TNRC18: variants seen among roughly 807,000 people sequenced by gnomAD.
TNRC18 encodes the protein trinucleotide repeat containing 18.
TNRC18 carries 69 observed loss-of-function variants against 226.7 expected under a neutral mutation model. The ratio of observed to expected loss-of-function variants is 0.30; its 90% confidence interval spans 0.25 to 0.37. TNRC18 has a LOEUF of 0.37. TNRC18 is among the 10% of genes least tolerant of loss of function. The probability of loss-of-function intolerance (pLI) is 1.00; values close to 1 mark genes in which losing one functional copy is unlikely to be tolerated. For synonymous variants in TNRC18, 2,449 were observed against 1,927.6 expected (o/e 1.27, Z -7.09); for missense variants, 4,754 against 4,256.6 (o/e 1.12, Z -3.25).
At chr7:5,329,081 T>C in intron 19 of TNRC18, among the ~76,000 whole-genome samples, 1 of 151,810 alleles carries the variant, frequency 6.6e-6, no homozygotes, top group East Asian at 2.0e-4. Flanking sequence ...GGTGGGCCGA[T>C]CACCTGAGGT....
chr7:5,307,458 G>C lies in TNRC18; in HGVS notation c.*648C>G. Reference sequence around the variant, plus strand: ...ACCATTGGGGTTTTCTGTAGTGTGAGGGTTTGGACCAGGGTGGGCCTGTGC... The same window carrying C: ...ACCATTGGGGTTTTCTGTAGTGTGACGGTTTGGACCAGGGTGGGCCTGTGC... On this transcript the variant is annotated 3_prime_UTR_variant, in exon 30 of 30. Transcript: ENST00000430969. 2.5e-6 allele frequency: 1 copy of C among 403,682 alleles called. No homozygotes were observed. Among genetic ancestry groups the C allele is most frequent in the Non-Finnish European group, 5.1e-6 (1 of 197,872 alleles). 25.0% of individuals were successfully genotyped at this position (403,682 alleles called of 1,614,324 possible).
At chr7:5,380,565 C>T (rs970455518) in intron 5 of TNRC18, among the ~76,000 whole-genome samples, 3 of 152,218 alleles carry the variant, frequency 2.0e-5, no homozygotes, top group Admixed American at 6.5e-5. Flanking sequence ...CCGGGCAGCC[C>T]GGCACGGGGA....
In TNRC18 at chr7:5,313,121, G is replaced by A. The variant is rs748116945; in HGVS notation, c.7770C>T (p.Asn2590=). 136 of 1,485,926 alleles carry A rather than the reference G, an allele frequency of 9.2e-5. 1 individual carries two copies. The Middle Eastern group carries it at 1.9e-3, about 21-fold the overall frequency. 92.0% of individuals were successfully genotyped at this position (1,485,926 alleles called of 1,614,324 possible). ...ETEGEEEGDK[N]GDGGCGTGGR... ...CCCCGGTGCCGCAGCCCCCGTCCCC[G>A]TTCTTGTCGCCTTCCTCCTCCCCTT... The change falls in exon 27 of 30, where the codon AAC becomes AAT. Residue 2590 remains asparagine, a synonymous_variant. Transcript: ENST00000430969.
At chr7:5,349,239 G>A (rs1351600729) in intron 17 of TNRC18, among the ~76,000 whole-genome samples, 1 of 152,174 alleles carries the variant, frequency 6.6e-6, no homozygotes, top group Non-Finnish European at 1.5e-5. Flanking sequence ...CTCCTGCGGG[G>A]TCTGGTGCAC....
rs1302008539 is a variant in TNRC18 at position 5,421,301 on chromosome 7, T to C, written c.-55A>G. 8.1e-7 allele frequency: 1 copy of C among 1,237,568 alleles called. No individual in the cohort carries two copies. Among genetic ancestry groups the C allele is most frequent in the Non-Finnish European group, 1.0e-6 (1 of 987,318 alleles). 76.7% of individuals were successfully genotyped at this position (1,237,568 alleles called of 1,614,324 possible). Reference sequence around the variant, plus strand: ...CACCCGGCCCGCAGGCCTAGCTCAGTGGGACCTAAAAGTTCGGCCTCGGCG... The same window carrying C: ...CACCCGGCCCGCAGGCCTAGCTCAGCGGGACCTAAAAGTTCGGCCTCGGCG... On this transcript the variant is annotated 5_prime_UTR_variant, in exon 2 of 30. Transcript: ENST00000430969.
rs199941680 is a variant in TNRC18, at chr7:5,389,314, C to G, written c.510G>C (p.Ala170=). Residue 170 remains alanine, a synonymous_variant, in exon 5 of 30, where the codon GCG becomes GCC. Transcript: ENST00000430969. ...PGGDGFYLPT[A]GAPGSLHSHA... Reference sequence around the variant, plus strand: ...GAGAGTGCAGGGAGCCCGGAGCCCCCGCGGTGGGCAGGTAGAAACCGTCTG... The same window carrying G: ...GAGAGTGCAGGGAGCCCGGAGCCCCGGCGGTGGGCAGGTAGAAACCGTCTG... 3,302 of 1,281,404 alleles carry G rather than the reference C, an allele frequency of 2.6e-3. 2 individuals are homozygous for G. The highest frequency in any genetic ancestry group is 3.0e-3 in the Non-Finnish European group (3,016 of 1,014,344). The allele number at this position is 1,281,404 out of a possible 1,614,324, so 79.4% of individuals were successfully genotyped here. A position where few individuals can be genotyped will look rare whatever the true frequency, so the allele number is the denominator to read the frequency against.
At position 5,374,314 on chromosome 7, in the gene TNRC18, C is replaced by G. The variant is rs1794431365; in HGVS notation, c.2970G>C (p.Val990=). ...ATGCGCGGGGTGATGGTGGCGGGCTCACGGCCTTGCCGTAGGTGCCCGCGG... is the reference window on the plus strand; with the variant it reads ...ATGCGCGGGGTGATGGTGGCGGGCTGACGGCCTTGCCGTAGGTGCCCGCGG... ...AGPAGTYGKA[V]SPPPSPRASP... The change falls in exon 10 of 30, where the codon GTG becomes GTC. Residue 990 remains valine, a synonymous_variant. Transcript: ENST00000430969. 1 of 1,437,336 alleles carries G rather than the reference C, an allele frequency of 7.0e-7. No homozygotes were observed. Among genetic ancestry groups the G allele is most frequent in the African/African-American group, 1.5e-5 (1 of 66,510 alleles). 89.0% of individuals were successfully genotyped at this position (1,437,336 alleles called of 1,614,324 possible). A position where few individuals can be genotyped will look rare whatever the true frequency, so the allele number is the denominator to read the frequency against.
rs747303380 is a variant in TNRC18, at chr7:5,320,270, T to C, written c.6745+48A>G. On this transcript the variant is annotated intron_variant, in intron 24 of 29. Coordinates refer to ENST00000430969, the MANE Select transcript of TNRC18 (RefSeq NM_001080495.3). ...GGGTTTTAGTAGCCAAACAAGTCCA[T>C]ACTGAGATGTTAGGCGGCAGGGGAG... is the stretch of plus-strand genomic sequence containing the variant. 59 of 1,449,136 alleles carry C rather than the reference T, an allele frequency of 4.1e-5. No individual in the cohort carries two copies. In the African/African-American group the frequency reaches 5.8e-4, roughly 14 times the overall value. The allele number at this position is 1,449,136 out of a possible 1,614,324, so 89.8% of individuals were successfully genotyped here.
chr7:5,319,558 G>A, intron 24 of TNRC18, among the ~76,000 whole-genome samples: 1 of 152,088 alleles, frequency 6.6e-6, no homozygotes, highest in African/African-American at 2.4e-5. Flanking sequence ...ACCCAGGCTA[G>A]AGTGCAGTGG....
intron 16 of TNRC18, among the ~76,000 whole-genome samples, chr7:5,354,976 G>A (rs903247634): frequency 2.6e-5 from 4 of 152,134 alleles, no homozygotes; most frequent in Non-Finnish European, 4.4e-5. Context: ...CCCATGAACC[G>A]GCCAGAGCCA....
intron 19 of TNRC18, among the ~76,000 whole-genome samples, chr7:5,326,747 C>T (rs955102303): frequency 6.6e-6 from 1 of 150,682 alleles, no homozygotes. Context: ...GCGGAGGTTG[C>T]AGTGAGCCGA....
intron 2 of TNRC18, among the ~76,000 whole-genome samples, chr7:5,409,113 A>C (rs1477297095): frequency 3.9e-5 from 6 of 152,292 alleles, no homozygotes; most frequent in African/African-American, 1.4e-4. Context: ...GAAGCTCCTC[A>C]ATGGCCAACA....
rs931518324 is a variant in TNRC18, at chr7:5,361,448, T to C, written c.4661+146A>G. 9 of 1,010,148 alleles carry C rather than the reference T, an allele frequency of 8.9e-6. No individual in the cohort carries two copies. The South Asian group carries it at 9.2e-5, about 10-fold the overall frequency. 62.6% of individuals were successfully genotyped at this position (1,010,148 alleles called of 1,614,324 possible). On this transcript the variant is annotated intron_variant, in intron 14 of 29. Transcript: ENST00000430969. ...CTCCTGGCCCGGGCAGCACAGGCCG[T>C]GCTCCCCGAGGGCCACTGCTGCGGG...
rs1788691255 is a variant in TNRC18 at position 5,324,427 on chromosome 7, T to C, written c.6301-72A>G. The C allele has an allele frequency of 3.2e-6, 5 of 1,567,312 alleles. No homozygotes were observed. The highest frequency in any genetic ancestry group is 1.7e-5 in the Admixed American group (1 of 57,504). ...GTCCTGCCGGGTTGGGGACCCTCTC[T>C]GGAAACCTGGAGCCACAGTCAGGCC... On this transcript the variant is annotated intron_variant, in intron 20 of 29. Coordinates refer to ENST00000430969, the MANE Select transcript of TNRC18 (RefSeq NM_001080495.3). The surrounding 1 kb of genome is among the most constrained non-coding windows in gnomAD (Gnocchi z 4.8).
chr7:5,370,694 G>C lies in TNRC18; in HGVS notation c.3900C>G (p.Ala1300=), dbSNP rs753978623. 7.4e-6 allele frequency: 12 copies of C among 1,611,058 alleles called. No individual in the cohort carries two copies. The East Asian group carries it at 2.7e-4, about 36-fold the overall frequency. ...CCAGGCTCGGGCACTGTCCCTCCCC[G>C]GCGGGCACGTCACAGTCTGACATTT... ...TLEMSDCDVP[A]GEGQCPSLEP... Residue 1300 remains alanine, a synonymous_variant, in exon 11 of 30, where the codon GCC becomes GCG. Transcript: ENST00000430969.
intron 18 of TNRC18, among the ~76,000 whole-genome samples, chr7:5,344,781 G>A (rs1414462259): frequency 6.6e-6 from 1 of 152,198 alleles, no homozygotes; most frequent in Non-Finnish European, 1.5e-5. Context: ...ACTGACCCCA[G>A]CTGCAGGTGA....
At chr7:5,347,210 TAG>T (rs1477433753) in intron 17 of TNRC18, among the ~76,000 whole-genome samples, 2 of 147,550 alleles carry the variant, frequency 1.4e-5, no homozygotes, top group Non-Finnish European at 3.0e-5. Flanking sequence ...TTTTTTGAGA[TAG>T]AGTCTCGCTC....
rs1168646248 is a variant in TNRC18 at position 5,352,022 on chromosome 7, A to C, written c.5267T>G (p.Leu1756Arg). Residue 1756 changes from leucine to arginine, a missense_variant, in exon 17 of 30, where the codon CTG (leucine) becomes CGG (arginine). Physicochemically the swap from Leu to Arg is moderately radical, Grantham distance 102. Transcript: ENST00000430969. The part of the protein sequence containing the change: ...WPAQGPSSSK[L>R]TPSLLCSMVA... Reference sequence around the variant, plus strand: ...CATGCTACACAGGAGGGAAGGCGTCAGTTTGGAGCTGGAGGGGCCTTGGGC... The same window carrying C: ...CATGCTACACAGGAGGGAAGGCGTCCGTTTGGAGCTGGAGGGGCCTTGGGC... The C allele has an allele frequency of 6.2e-7, 1 of 1,613,830 alleles. No homozygotes were observed. Among genetic ancestry groups the C allele is most frequent in the Non-Finnish European group, 8.5e-7 (1 of 1,179,868 alleles).
rs1451091434 is a variant in TNRC18 at position 5,313,168 on chromosome 7, T to C, written c.7723A>G (p.Ser2575Gly). The change falls in exon 27 of 30, where the codon AGC (serine) becomes GGC (glycine). Residue 2575 changes from serine (S) to glycine (G), a missense_variant. Transcript: ENST00000430969. Reference sequence around the variant, plus strand: ...CCTTCTGTCTCCGAGCCGCTGCTGCTGCTGCTGCTGCTGCTGCTACTGCTG... The same window carrying C: ...CCTTCTGTCTCCGAGCCGCTGCTGCCGCTGCTGCTGCTGCTGCTACTGCTG... Reference protein sequence around the residue: ...SGSSSSSSSSSSSGSETEGEE... With the variant: ...SGSSSSSSSSGSSGSETEGEE... 6.5e-7 allele frequency: 1 copy of C among 1,536,786 alleles called. No individual in the cohort carries two copies.
Sources: allele counts gnomAD v4.1 joint callset (sites outside exome capture counted in the v4.1 genomes callset), GRCh38; gene constraint gnomAD v4.1.1; non-coding constraint Gnocchi (gnomAD v3.1); transcripts MANE v1.5; gene names NCBI Gene and HGNC (gene_info 2026-07-23, HGNC 2026-07-21).